The following RIT2 variants were observed in gnomAD, a reference collection of about 807,000 sequenced individuals.
RIT2 encodes the protein Ras like without CAAX 2.
Under a neutral mutation model 23.7 loss-of-function variants are expected in RIT2, and 24 were observed. The observed-to-expected ratio is 1.01, with a 90% CI of 0.73 to 1.43. The LOEUF is 1.43. Among genes scored for constraint, RIT2 ranks in the 40% most tolerant of loss-of-function variants. The pLI is 0.00. For missense variants in RIT2, 236 were observed against 266.9 expected (o/e 0.88, Z 0.81); for synonymous variants, 107 against 91.1 (o/e 1.17, Z -0.99).
At chr18:42,807,544 G>A (rs2143970481) in intron 4 of RIT2, among the ~76,000 whole-genome samples, 1 of 152,256 alleles carries the variant, frequency 6.6e-6, no homozygotes, top group Middle Eastern at 3.4e-3. Context: ...TTGAACCCGG[G>A]AAGCAGAGGT....
intron 4 of RIT2, among the ~76,000 whole-genome samples, chr18:42,914,549 C>T (rs1908852903): frequency 6.6e-6 from 1 of 151,952 alleles, no homozygotes; most frequent in African/African-American, 2.4e-5. Context: ...CATGTTAACT[C>T]ATTTCATTTA....
intron 3 of RIT2, among the ~76,000 whole-genome samples, chr18:42,942,205 A>T (rs1197099768): frequency 6.6e-6 from 1 of 151,974 alleles, no homozygotes; most frequent in African/African-American, 2.4e-5. Flanking sequence ...ACAGTTGATC[A>T]CCCCCAAACC....
intron 3 of RIT2, among the ~76,000 whole-genome samples, chr18:42,936,920 G>T (rs1414663790): frequency 6.6e-6 from 1 of 151,954 alleles, no homozygotes; most frequent in Non-Finnish European, 1.5e-5. Flanking sequence ...ACTGAGGCAG[G>T]GGAATCGCTT....
intron 2 of RIT2, among the ~76,000 whole-genome samples, chr18:43,028,924 A>G (rs557192889): frequency 3.3e-5 from 5 of 152,070 alleles, no homozygotes; most frequent in African/African-American, 4.8e-5. Flanking sequence ...ATTTTTCTAA[A>G]TTCCTAGCTT....
rs563158098 is a variant in RIT2 at position 42,894,039 on chromosome 18, A to G, written c.426+29533T>C. ...AACTGTATTCAGGACAGCAAGCATG[A>G]TAGAGCTCTTTGTCTATGTCAGAAC... On this transcript the variant is annotated intron_variant, in intron 4 of 4. Coordinates refer to ENST00000326695, the MANE Select transcript of RIT2 (RefSeq NM_002930.4). 2.0e-5 allele frequency among the ~76,000 whole-genome samples: 3 copies of G among 152,354 alleles called. No individual in the cohort carries two copies. In the South Asian group the frequency reaches 6.2e-4, roughly 32 times the overall value.
At chr18:42,966,354 T>C (rs950267450) in intron 3 of RIT2, among the ~76,000 whole-genome samples, 3 of 152,184 alleles carry the variant, frequency 2.0e-5, no homozygotes, top group Non-Finnish European at 1.5e-5. Context: ...AATGACATTC[T>C]CTTTTTCGGC....
chr18:43,050,495 A>G (rs1912353923), intron 1 of RIT2, among the ~76,000 whole-genome samples: 1 of 152,062 alleles, frequency 6.6e-6, no homozygotes, highest in Non-Finnish European at 1.5e-5. Flanking sequence ...GTGTGGTGTT[A>G]TGGTGTTTTG....
intron 4 of RIT2, among the ~76,000 whole-genome samples, chr18:42,863,179 A>T (rs1038041110): frequency 1.3e-5 from 2 of 152,260 alleles, no homozygotes; most frequent in Non-Finnish European, 2.9e-5. Flanking sequence ...CAGATTATAG[A>T]ATTTACTGTG....
At chr18:42,879,905 C>T (rs866587973) in intron 4 of RIT2, among the ~76,000 whole-genome samples, 2 of 152,116 alleles carry the variant, frequency 1.3e-5, no homozygotes, top group African/African-American at 2.4e-5. Flanking sequence ...GTATTACATG[C>T]TCATAGGCTA....
intron 2 of RIT2, among the ~76,000 whole-genome samples, chr18:43,012,011 TGGGAAACTG>T (rs1225153531): frequency 6.6e-6 from 1 of 151,796 alleles, no homozygotes; most frequent in Non-Finnish European, 1.5e-5. Flanking sequence ...ATTATTCCAT[TGGGAAACTG>T]TCTATTTTTC....
intron 2 of RIT2, among the ~76,000 whole-genome samples, chr18:43,023,056 AT>A (rs1911633674): frequency 6.6e-6 from 1 of 152,038 alleles, no homozygotes; most frequent in Non-Finnish European, 1.5e-5. Flanking sequence ...CATTCTTAGT[AT>A]GACGTCATTA....
At chr18:42,788,010 A>G (rs1421998042) in intron 4 of RIT2, among the ~76,000 whole-genome samples, 1 of 151,964 alleles carries the variant, frequency 6.6e-6, no homozygotes, top group South Asian at 2.1e-4. Flanking sequence ...AATTTAAATT[A>G]TCAAATTTTA....
intron 2 of RIT2, among the ~76,000 whole-genome samples, chr18:42,988,686 A>C (rs1054838850): frequency 3.3e-5 from 5 of 152,208 alleles, no homozygotes; most frequent in Non-Finnish European, 4.4e-5. Context: ...CAAACACCTT[A>C]CCCTGAAATT....
At chr18:43,060,511 GC>G (rs1912619192) in intron 1 of RIT2, among the ~76,000 whole-genome samples, 1 of 152,110 alleles carries the variant, frequency 6.6e-6, no homozygotes, top group African/African-American at 2.4e-5. Context: ...GAGAGAATTA[GC>G]TATGCCTTCA....
intron 1 of RIT2, among the ~76,000 whole-genome samples, chr18:43,097,342 C>A (rs1292256491): frequency 3.3e-5 from 5 of 151,748 alleles, no homozygotes; most frequent in Non-Finnish European, 7.4e-5. Flanking sequence ...AGAGAAAAGA[C>A]AGGACATACA....
At chr18:42,877,123 T>C (rs1051670489) in intron 4 of RIT2, among the ~76,000 whole-genome samples, 10 of 151,860 alleles carry the variant, frequency 6.6e-5, no homozygotes, top group Non-Finnish European at 1.2e-4. Context: ...TGACAGACAC[T>C]GACATTTTTG....
intron 3 of RIT2, among the ~76,000 whole-genome samples, chr18:42,932,071 A>G (rs2144145909): frequency 6.6e-6 from 1 of 152,272 alleles, no homozygotes; most frequent in Non-Finnish European, 1.5e-5. Flanking sequence ...TTTGCAATAA[A>G]AAGAAGAATT....
intron 4 of RIT2, among the ~76,000 whole-genome samples, chr18:42,759,810 C>T (rs1002713036): frequency 3.3e-5 from 5 of 150,208 alleles, no homozygotes; most frequent in Non-Finnish European, 5.9e-5. Context: ...GAGTTTTGCT[C>T]TTAGTTGCCC....
intron 3 of RIT2, among the ~76,000 whole-genome samples, chr18:42,963,068 T>A (rs1910129138): frequency 6.6e-6 from 1 of 152,190 alleles, no homozygotes; most frequent in Admixed American, 6.5e-5. Flanking sequence ...GTTCCTTGAA[T>A]AGGAGCATTT....
Sources: gnomAD v4.1 joint callset for allele counts (sites outside exome capture counted in the v4.1 genomes callset) on GRCh38, gnomAD v4.1.1 for gene constraint, MANE v1.5 for transcripts, NCBI Gene and HGNC (gene_info 2026-07-23, HGNC 2026-07-21) for gene names.